The following GPRIN3 variants were observed in gnomAD, a reference collection of about 807,000 sequenced individuals.
GPRIN3 encodes G protein-regulated inducer of neurite outgrowth 3.
In GPRIN3, 12 loss-of-function variants were observed where a neutral mutation model predicts 13.7. That is an observed-to-expected ratio of 0.87 (90% CI 0.56 to 1.42). The LOEUF (loss-of-function observed/expected upper bound fraction) is 1.42, where lower values mean the gene tolerates loss of function less well. Among genes scored for constraint, GPRIN3 ranks in the 40% most tolerant of loss-of-function variants. The pLI, the probability that GPRIN3 is intolerant of heterozygous loss-of-function variation, is 0.00. For missense variants in GPRIN3, 1,009 were observed against 958.7 expected (o/e 1.05, Z -0.69); for synonymous variants, 377 against 372.7 (o/e 1.01, Z -0.13).
intron 1 of GPRIN3, among the ~76,000 whole-genome samples, chr4:89,304,704 G>A (rs1724989130): frequency 6.6e-6 from 1 of 152,112 alleles, no homozygotes; most frequent in Non-Finnish European, 1.5e-5. Context: ...ACTATCATAT[G>A]TTTGCCTTTT....
chr4:89,301,992 T>C (rs757568292), intron 1 of GPRIN3, among the ~76,000 whole-genome samples: 4 of 152,184 alleles, frequency 2.6e-5, no homozygotes, highest in African/African-American at 4.8e-5. Context: ...TGGCTTGGTA[T>C]CCACGCTATT....
In GPRIN3 at chr4:89,280,831, A is replaced by T. The variant is rs577430200; in HGVS notation, c.-124+26784T>A. ...CAGAGATAGGAGTGATGCATCTATT[A>T]ACCAAAAAATGCCAAGGATTGCTGG... On this transcript the variant is annotated intron_variant, in intron 1 of 1. Coordinates refer to ENST00000609438, the MANE Select transcript of GPRIN3 (RefSeq NM_198281.3). Among the ~76,000 whole-genome samples, 9 of 152,314 alleles carry T rather than the reference A, an allele frequency of 5.9e-5. 1 individual carries two copies. In the East Asian group the frequency reaches 1.5e-3, roughly 26 times the overall value.
At chr4:89,280,433 G>A (rs976322237) in intron 1 of GPRIN3, among the ~76,000 whole-genome samples, 4 of 152,166 alleles carry the variant, frequency 2.6e-5, no homozygotes, top group African/African-American at 9.7e-5. Flanking sequence ...CAAGTAAGAT[G>A]AGGCTTCTGT....
chr4:89,302,966 A>G (rs1294626710), intron 1 of GPRIN3, among the ~76,000 whole-genome samples: 4 of 152,182 alleles, frequency 2.6e-5, no homozygotes, highest in Non-Finnish European at 5.9e-5. Flanking sequence ...GTTTTAAGGT[A>G]TAGCTTCATT....
At position 89,240,235 on chromosome 4, in the gene GPRIN3, A is replaced by G. The variant is rs750073895; in HGVS notation, c.*7545T>C. The G allele has an allele frequency of 6.6e-6, 1 of 152,154 alleles. No individual in the cohort carries two copies. Among genetic ancestry groups the G allele is most frequent in the African/African-American group, 2.4e-5 (1 of 41,444 alleles). The allele number at this position is 152,154 out of a possible 1,614,324, so 9.4% of individuals were successfully genotyped here. A position where few individuals can be genotyped will look rare whatever the true frequency, so the allele number is the denominator to read the frequency against. On this transcript the variant is annotated 3_prime_UTR_variant, in exon 2 of 2. Transcript: ENST00000609438. ...GTATTACCTGTTATTGATAATACTA[A>G]TTTTTTGTTTGAGTCCATCTTAAGG...
Position 89,237,047 on chromosome 4 carries a change from G to A in GPRIN3, c.*10733C>T, listed in dbSNP as rs1048889418. 6.6e-6 allele frequency: 1 copy of A among 152,094 alleles called. No individual in the cohort carries two copies. The highest frequency in any genetic ancestry group is 2.4e-5 in the African/African-American group (1 of 41,400). 9.4% of individuals were successfully genotyped at this position (152,094 alleles called of 1,614,324 possible). A position where few individuals can be genotyped will look rare whatever the true frequency, so the allele number is the denominator to read the frequency against. On this transcript the variant is annotated 3_prime_UTR_variant, in exon 2 of 2. Coordinates refer to ENST00000609438, the MANE Select transcript of GPRIN3 (RefSeq NM_198281.3). The stretch of plus-strand genomic sequence containing the variant: ...ATTATTATTTTTAATGGCAGGTCAA[G>A]GCTCTTTTGCAGTTTGATTGAGAGA...
chr4:89,250,311 TA>T, intron 1 of GPRIN3, 78 bp from the exon 2 acceptor site: 1 of 1,067,030 alleles, frequency 9.4e-7, no homozygotes, highest in Non-Finnish European at 1.2e-6. Context: ...GTCGTTTTTA[TA>T]AGAGCACATT....
At chr4:89,285,282 G>A (rs112440335) in intron 1 of GPRIN3, among the ~76,000 whole-genome samples, 28,546 of 151,566 alleles carry the variant, frequency 0.19, 2,925 homozygotes, top group African/African-American at 0.24. Flanking sequence ...AACCAACATG[G>A]CACATGTATA....
intron 1 of GPRIN3, among the ~76,000 whole-genome samples, chr4:89,259,708 C>T (rs1489012678): frequency 6.6e-6 from 1 of 152,124 alleles, no homozygotes; most frequent in Non-Finnish European, 1.5e-5. Context: ...CCCTCTACCA[C>T]CCCCAACTGT....
chr4:89,294,764 A>G (rs1342917982), intron 1 of GPRIN3, among the ~76,000 whole-genome samples: 3 of 152,178 alleles, frequency 2.0e-5, no homozygotes, highest in Admixed American at 2.0e-4. Context: ...TATCCTTTTC[A>G]CCACTATAGC....
Position 89,248,564 on chromosome 4 carries a change from C to G in GPRIN3, c.1547G>C (p.Gly516Ala), listed in dbSNP as rs1231818707. The G allele has an allele frequency of 1.9e-6, 3 of 1,613,232 alleles. No individual in the cohort carries two copies. Among genetic ancestry groups the G allele is most frequent in the Non-Finnish European group, 2.5e-6 (3 of 1,179,252 alleles). ...AGAATGATCAGCTTTGCTGATAGAGCCACAAGAGTCAGATAGTTTGCAATC... is the reference window on the plus strand; with the variant it reads ...AGAATGATCAGCTTTGCTGATAGAGGCACAAGAGTCAGATAGTTTGCAATC... ...DPDCKLSDSC[G>A]SISKADHSGS... Residue 516 changes from glycine (G) to alanine (A), a missense_variant, in exon 2 of 2, where the codon GGC becomes GCC. Gly to Ala is a moderately conservative substitution (Grantham distance 60). Coordinates refer to ENST00000609438, the MANE Select transcript of GPRIN3 (RefSeq NM_198281.3).
chr4:89,248,700 T>C lies in GPRIN3; in HGVS notation c.1411A>G (p.Ile471Val). ...GCTTGACTGCATGCACTGATAGAAA[T>C]CTGGTCAATGGCGGTAGCTTTCAGG... ...SSLKATAIDQISISACSQAET... is the reference protein window; with the variant it reads ...SSLKATAIDQVSISACSQAET... Residue 471 changes from isoleucine (I) to valine (V), a missense_variant, in exon 2 of 2, where the codon ATT (isoleucine) becomes GTT (valine). Physicochemically the swap from Ile to Val is conservative, Grantham distance 29 (BLOSUM62 3). Coordinates refer to ENST00000609438, the MANE Select transcript of GPRIN3 (RefSeq NM_198281.3). The C allele has an allele frequency of 6.2e-7, 1 of 1,614,092 alleles. No individual in the cohort carries two copies. The highest frequency in any genetic ancestry group is 8.5e-7 in the Non-Finnish European group (1 of 1,180,002).
At chr4:89,251,179 C>T (rs915758836) in intron 1 of GPRIN3, 1 of 151,942 alleles carries the variant, frequency 6.6e-6, no homozygotes, top group Non-Finnish European at 1.5e-5. Flanking sequence ...TTACAAGATA[C>T]GAAATTTAAG....
chr4:89,253,900 T>G (rs1266334818), intron 1 of GPRIN3, among the ~76,000 whole-genome samples: 1 of 152,116 alleles, frequency 6.6e-6, no homozygotes, highest in African/African-American at 2.4e-5. Flanking sequence ...GAACCAACAC[T>G]CCTTCCCTCC....
intron 1 of GPRIN3, among the ~76,000 whole-genome samples, chr4:89,289,557 C>G (rs1724515657): frequency 6.6e-6 from 1 of 152,132 alleles, no homozygotes; most frequent in Admixed American, 6.5e-5. Flanking sequence ...CCCACAGATA[C>G]TATTTCTTAT....
chr4:89,307,185 C>T (rs1725056188), intron 1 of GPRIN3, among the ~76,000 whole-genome samples: 1 of 151,604 alleles, frequency 6.6e-6, no homozygotes, highest in South Asian at 2.1e-4. Flanking sequence ...TGTGTATATA[C>T]ACACACATAC....
chr4:89,274,091 G>T (rs1207815725), intron 1 of GPRIN3, among the ~76,000 whole-genome samples: 1 of 152,160 alleles, frequency 6.6e-6, no homozygotes, highest in Non-Finnish European at 1.5e-5. Flanking sequence ...GGGGGAAGAG[G>T]GCTTGACCAA....
At position 89,291,196 on chromosome 4, in the gene GPRIN3, A is replaced by G. The variant is rs58613304; in HGVS notation, c.-124+16419T>C. 5.5e-3 allele frequency among the ~76,000 whole-genome samples: 841 copies of G among 152,300 alleles called. 11 individuals carry two copies. The highest frequency in any genetic ancestry group is 0.019 in the African/African-American group (789 of 41,556). On this transcript the variant is annotated intron_variant, in intron 1 of 1. Transcript: ENST00000609438. ...GACTGAATTTTTTCTTTAAGAATTA[A>G]CACAAGTCACATACAGTTATATTTA...
intron 1 of GPRIN3, among the ~76,000 whole-genome samples, chr4:89,274,182 A>C (rs1012053057): frequency 5.3e-5 from 8 of 152,220 alleles, no homozygotes; most frequent in African/African-American, 1.9e-4. Context: ...CACGCCAAAT[A>C]AATGATTGGT....
Sources: allele counts gnomAD v4.1 joint callset (sites outside exome capture counted in the v4.1 genomes callset), GRCh38; gene constraint gnomAD v4.1.1; transcripts MANE v1.5; gene names NCBI Gene and HGNC (gene_info 2026-07-23, HGNC 2026-07-21).